The following PKNOX2 variants were observed in gnomAD, a reference collection of about 807,000 sequenced individuals.
PKNOX2 encodes the protein homeobox protein PKNOX2.
Under a neutral mutation model 53.1 loss-of-function variants are expected in PKNOX2, and 14 were observed. The ratio of observed to expected loss-of-function variants is 0.26; its 90% confidence interval spans 0.17 to 0.41. The LOEUF is 0.41. PKNOX2 is among the 10% of genes least tolerant of loss of function. PKNOX2 has a pLI of 1.00. For synonymous variants in PKNOX2, 257 were observed against 242.8 expected (o/e 1.06, Z -0.54); for missense variants, 496 against 602.8 (o/e 0.82, Z 1.85).
At chr11:125,313,095 T>C (rs1317866432) in intron 2 of PKNOX2, among the ~76,000 whole-genome samples, 2 of 152,044 alleles carry the variant, frequency 1.3e-5, no homozygotes, top group African/African-American at 2.4e-5. Flanking sequence ...AGAGAGTGTT[T>C]ACGGGGCACT....
At position 125,433,182 on chromosome 11, in the gene PKNOX2, A is replaced by G. The variant is rs993902000; in HGVS notation, c.*1790A>G. The G allele has an allele frequency of 3.9e-5, 6 of 152,610 alleles. No individual in the cohort carries two copies. Among genetic ancestry groups the G allele is most frequent in the African/African-American group, 1.4e-4 (6 of 41,412 alleles). The allele number at this position is 152,610 out of a possible 1,614,324, so 9.5% of individuals were successfully genotyped here. A position where few individuals can be genotyped will look rare whatever the true frequency, so the allele number is the denominator to read the frequency against. ...TTTCTGGTTCGTTTTTCTTGTTAAC[A>G]CGCGCACACAGACACACACACACAC... On this transcript the variant is annotated 3_prime_UTR_variant, in exon 13 of 13. Coordinates refer to ENST00000298282, the MANE Select transcript of PKNOX2 (RefSeq NM_001382323.2).
chr11:125,318,943 G>C (rs1265585174), intron 2 of PKNOX2, among the ~76,000 whole-genome samples: 1 of 152,148 alleles, frequency 6.6e-6, no homozygotes, highest in African/African-American at 2.4e-5. Context: ...CTTCCACCAT[G>C]ATTTTAAGTT....
At chr11:125,225,798 A>G (rs1457404443) in intron 1 of PKNOX2, among the ~76,000 whole-genome samples, 3 of 152,234 alleles carry the variant, frequency 2.0e-5, no homozygotes, top group Non-Finnish European at 4.4e-5. Flanking sequence ...TGGATGCAAA[A>G]TGAGGTCTTG....
intron 2 of PKNOX2, among the ~76,000 whole-genome samples, chr11:125,322,842 T>C (rs915592402): frequency 1.1e-4 from 16 of 152,322 alleles, no homozygotes; most frequent in African/African-American, 3.8e-4. Context: ...GCTTATTCTG[T>C]CTGTAAAATG....
At chr11:125,284,809 C>A (rs778655722) in intron 2 of PKNOX2, among the ~76,000 whole-genome samples, 1 of 152,068 alleles carries the variant, frequency 6.6e-6, no homozygotes, top group Non-Finnish European at 1.5e-5. Flanking sequence ...GGTCATTGGG[C>A]CCCCCTGCTG....
intron 2 of PKNOX2, among the ~76,000 whole-genome samples, chr11:125,266,390 G>T (rs1945344718): frequency 2.0e-5 from 3 of 152,152 alleles, no homozygotes; most frequent in Admixed American, 2.0e-4. Flanking sequence ...GGGGCATTTA[G>T]CCAGTGTGAT....
chr11:125,214,673 G>A (rs1372801803), intron 1 of PKNOX2, among the ~76,000 whole-genome samples: 4 of 152,064 alleles, frequency 2.6e-5, no homozygotes, highest in Non-Finnish European at 5.9e-5. Context: ...CATCAATCAG[G>A]CAATGCAGCC....
chr11:125,229,036 T>C (rs1261198685), intron 1 of PKNOX2, among the ~76,000 whole-genome samples: 1 of 152,172 alleles, frequency 6.6e-6, no homozygotes, highest in Non-Finnish European at 1.5e-5. Context: ...TCCCCAGCTC[T>C]TTCCCGACTA....
intron 1 of PKNOX2, among the ~76,000 whole-genome samples, chr11:125,233,054 A>T (rs1173830469): frequency 1.3e-5 from 2 of 151,938 alleles, no homozygotes; most frequent in Non-Finnish European, 2.9e-5. Context: ...TTTTTTCTTC[A>T]TTTTCAAAAT....
intron 3 of PKNOX2, among the ~76,000 whole-genome samples, chr11:125,347,176 G>A (rs1411482973): frequency 6.6e-6 from 1 of 152,132 alleles, no homozygotes; most frequent in Non-Finnish European, 1.5e-5. Context: ...TTTGGGGCAG[G>A]TGGGTGGGAC....
chr11:125,309,964 T>C (rs1471446379), intron 2 of PKNOX2, among the ~76,000 whole-genome samples: 3 of 152,220 alleles, frequency 2.0e-5, no homozygotes, highest in Non-Finnish European at 4.4e-5. Context: ...ATCACTCACC[T>C]AGCTAAAAAC....
At chr11:125,326,106 G>A (rs1200532037) in intron 2 of PKNOX2, among the ~76,000 whole-genome samples, 1 of 152,160 alleles carries the variant, frequency 6.6e-6, no homozygotes, top group Middle Eastern at 3.2e-3. Flanking sequence ...TGTATGGAAG[G>A]AATAAGAGAA....
chr11:125,335,230 C>A (rs1161045981), intron 3 of PKNOX2, among the ~76,000 whole-genome samples: 2 of 152,216 alleles, frequency 1.3e-5, no homozygotes, highest in East Asian at 3.9e-4. Flanking sequence ...CCTCTGAACT[C>A]CCTGTAGGAT....
intron 2 of PKNOX2, among the ~76,000 whole-genome samples, chr11:125,316,920 A>G (rs1190486978): frequency 6.6e-6 from 1 of 152,264 alleles, no homozygotes; most frequent in African/African-American, 2.4e-5. Context: ...GTTGTTTGAT[A>G]GCATTTTACC....
At chr11:125,179,352 A>G (rs1417820165) in intron 1 of PKNOX2, among the ~76,000 whole-genome samples, 1 of 152,170 alleles carries the variant, frequency 6.6e-6, no homozygotes, top group Non-Finnish European at 1.5e-5. Context: ...AGAGCCTAAC[A>G]CTGTGGGAGC....
At chr11:125,287,856 C>T (rs1947007675) in intron 2 of PKNOX2, 1 of 152,326 alleles carries the variant, frequency 6.6e-6, no homozygotes, top group African/African-American at 2.4e-5. Flanking sequence ...GGGATTCTAT[C>T]CCCAAGTGGG....
At chr11:125,324,886 A>C (rs1253811126) in intron 2 of PKNOX2, among the ~76,000 whole-genome samples, 1 of 152,106 alleles carries the variant, frequency 6.6e-6, no homozygotes, top group African/African-American at 2.4e-5. Context: ...TCAGAGGCTG[A>C]GGGTCTGACC....
rs533935753 is a variant in PKNOX2 at position 125,371,183 on chromosome 11, C to CTCAGATTAATGATTGCAGTCTAA, written c.227+3200_227+3201insAGATTAATGATTGCAGTCTAATC. Among the ~76,000 whole-genome samples, 32 of 152,292 alleles carry CTCAGATTAATGATTGCAGTCTAA rather than the reference C, an allele frequency of 2.1e-4. No homozygotes were observed. The South Asian group carries it at 6.2e-3, about 30-fold the overall frequency. On this transcript the variant is annotated intron_variant, in intron 5 of 12. Coordinates refer to ENST00000298282, the MANE Select transcript of PKNOX2 (RefSeq NM_001382323.2). ...GACTAATCAGCAAAGCAACCAGGGGCTCCGGCTCAGATTAATGATTGCAGT... is the reference window on the plus strand; with the variant it reads ...GACTAATCAGCAAAGCAACCAGGGGCTCAGATTAATGATTGCAGTCTAATCCGGCTCAGATTAATGATTGCAGT...
intron 1 of PKNOX2, among the ~76,000 whole-genome samples, chr11:125,174,169 G>A (rs1030184003): frequency 1.3e-5 from 2 of 152,180 alleles, no homozygotes; most frequent in African/African-American, 4.8e-5. Context: ...TCCAGGGCAG[G>A]GAGACAGACG....
Sources: gnomAD v4.1 joint callset for allele counts (sites outside exome capture counted in the v4.1 genomes callset) on GRCh38, gnomAD v4.1.1 for gene constraint, MANE v1.5 for transcripts, NCBI Gene and HGNC (gene_info 2026-07-23, HGNC 2026-07-21) for gene names.